PMEPA1: variants seen among roughly 807,000 people sequenced by gnomAD.
PMEPA1 encodes the protein prostate transmembrane protein, androgen induced 1.
A neutral mutation model predicts 23.0 loss-of-function variants in PMEPA1; 11 were observed. That is an observed-to-expected ratio of 0.48 (90% confidence interval 0.30 to 0.79). The LOEUF (loss-of-function observed/expected upper bound fraction) is 0.79. PMEPA1 is among the 30% of genes least tolerant of loss of function. The pLI, the probability that PMEPA1 is intolerant of heterozygous loss-of-function variation, is 0.06. For missense variants in PMEPA1, 377 were observed against 390.9 expected (o/e 0.96, Z 0.30); for synonymous variants, 204 against 166.4 (o/e 1.23, Z -1.74).
intron 1 of PMEPA1, among the ~76,000 whole-genome samples, chr20:57,708,549 C>T (rs1344458052): frequency 2.0e-5 from 3 of 152,172 alleles, no homozygotes; most frequent in South Asian, 2.1e-4. Flanking sequence ...GTCCACTGAT[C>T]CCTTATTTAG....
At chr20:57,697,618 C>CCCTT (rs2071958116) in intron 1 of PMEPA1, among the ~76,000 whole-genome samples, 3 of 152,188 alleles carry the variant, frequency 2.0e-5, no homozygotes, top group African/African-American at 7.2e-5. Flanking sequence ...CTGAGAGAGA[C>CCCTT]CCTTGTTCCC....
chr20:57,660,473 C>A (rs528409763), intron 1 of PMEPA1, among the ~76,000 whole-genome samples: 2 of 150,592 alleles, frequency 1.3e-5, no homozygotes, highest in Non-Finnish European at 3.0e-5. Flanking sequence ...CAAAACACCC[C>A]AACACTCCTA....
At chr20:57,690,304 G>T in intron 1 of PMEPA1, 1 of 661,800 alleles carries the variant, frequency 1.5e-6, no homozygotes, top group Non-Finnish European at 2.5e-6. Flanking sequence ...CGGGCCCAGT[G>T]CCTGCACCCA....
intron 2 of PMEPA1, among the ~76,000 whole-genome samples, chr20:57,653,803 A>G (rs891662102): frequency 5.3e-5 from 8 of 152,192 alleles, no homozygotes; most frequent in Non-Finnish European, 1.2e-4. Context: ...CTTGGAGACC[A>G]GCATCTGAAG....
intron 1 of PMEPA1, among the ~76,000 whole-genome samples, chr20:57,699,100 GCAT>G (rs1256912912): frequency 6.6e-6 from 1 of 152,224 alleles, no homozygotes; most frequent in African/African-American, 2.4e-5. Flanking sequence ...TCTCTGGAAT[GCAT>G]CACCCCACAG....
intron 1 of PMEPA1, among the ~76,000 whole-genome samples, chr20:57,701,546 C>T (rs1270626964): frequency 6.6e-6 from 1 of 152,196 alleles, no homozygotes; most frequent in Admixed American, 6.5e-5. Flanking sequence ...TCTGTACCTG[C>T]CCCTTAGCTC....
intron 1 of PMEPA1, among the ~76,000 whole-genome samples, chr20:57,679,311 G>A (rs901447110): frequency 6.6e-6 from 1 of 152,228 alleles, no homozygotes; most frequent in Admixed American, 6.5e-5. Context: ...GGCATAGCAT[G>A]AAGATACAAT....
intron 1 of PMEPA1, among the ~76,000 whole-genome samples, chr20:57,693,150 C>T (rs774326231): frequency 4.7e-4 from 71 of 152,322 alleles, no homozygotes; most frequent in Non-Finnish European, 8.7e-4. Flanking sequence ...CCGCCTACCC[C>T]ACGCCTCCCA....
At chr20:57,681,602 G>A (rs147954515) in intron 1 of PMEPA1, among the ~76,000 whole-genome samples, 170 of 152,282 alleles carry the variant, frequency 1.1e-3, no homozygotes, top group African/African-American at 3.9e-3. Context: ...GTCGTTTCAC[G>A]TTCAATTCTG....
At chr20:57,661,961 A>C (rs113119809) in intron 1 of PMEPA1, among the ~76,000 whole-genome samples, 3 of 151,670 alleles carry the variant, frequency 2.0e-5, no homozygotes, top group African/African-American at 7.3e-5. Context: ...CTACTGAGCC[A>C]GTGTTTCTCA....
chr20:57,676,907 G>A (rs745743672), intron 1 of PMEPA1, among the ~76,000 whole-genome samples: 18 of 152,174 alleles, frequency 1.2e-4, no homozygotes, highest in African/African-American at 3.4e-4. Flanking sequence ...CCCTGCAGCC[G>A]GAACAATCTT....
intron 1 of PMEPA1, among the ~76,000 whole-genome samples, chr20:57,661,437 G>A (rs182575480): frequency 3.3e-5 from 5 of 152,308 alleles, no homozygotes; most frequent in Admixed American, 2.0e-4. Context: ...CCCAAGGTGT[G>A]CAGGAATGTG....
intron 1 of PMEPA1, among the ~76,000 whole-genome samples, chr20:57,663,179 ACT>A (rs935493066): frequency 4.6e-5 from 7 of 151,810 alleles, no homozygotes; most frequent in Non-Finnish European, 1.0e-4. Flanking sequence ...AGAGAGAAAA[ACT>A]CTCTAGAAAA....
At chr20:57,702,724 C>T (rs2072029344) in intron 1 of PMEPA1, among the ~76,000 whole-genome samples, 1 of 152,230 alleles carries the variant, frequency 6.6e-6, no homozygotes, top group African/African-American at 2.4e-5. Flanking sequence ...ATCTTACACT[C>T]TCTGATCCCA....
rs1004752365 is a variant in PMEPA1, at chr20:57,686,582, T to C, written c.109+22892A>G. ...GTCTCAACCACCTGTCCTAAAGAGC[T>C]GTTGTGAGGATTAAATGCCCTTGTG... On this transcript the variant is annotated intron_variant, in intron 1 of 3. Transcript: ENST00000341744. Among the ~76,000 whole-genome samples the C allele has an allele frequency of 3.3e-5, 5 of 152,242 alleles. 1 individual carries two copies. Among genetic ancestry groups the C allele is most frequent in the Admixed American group, 3.3e-4 (5 of 15,288 alleles).
At chr20:57,703,549 G>A (rs904426085) in intron 1 of PMEPA1, among the ~76,000 whole-genome samples, 6 of 152,200 alleles carry the variant, frequency 3.9e-5, no homozygotes, top group African/African-American at 7.2e-5. Flanking sequence ...CGAAGAGACC[G>A]TCTGGGGCCT....
chr20:57,695,569 G>C (rs1287538487), intron 1 of PMEPA1, among the ~76,000 whole-genome samples: 1 of 152,230 alleles, frequency 6.6e-6, no homozygotes, highest in Non-Finnish European at 1.5e-5. Context: ...GAAGCAGGAA[G>C]ATCAATTGAG....
chr20:57,700,005 T>TAA (rs1039282261), intron 1 of PMEPA1: 8 of 470,896 alleles, frequency 1.7e-5, no homozygotes, highest in African/African-American at 8.0e-5. Flanking sequence ...GCTCTAAATA[T>TAA]AAAAACACAC....
At chr20:57,669,601 C>CA (rs2071540518) in intron 1 of PMEPA1, among the ~76,000 whole-genome samples, 1 of 152,222 alleles carries the variant, frequency 6.6e-6, no homozygotes, top group African/African-American at 2.4e-5. Flanking sequence ...AGCCACCGGT[C>CA]AGTCTGTATC....
Sources: allele counts gnomAD v4.1 joint callset (sites outside exome capture counted in the v4.1 genomes callset), GRCh38; gene constraint gnomAD v4.1.1; transcripts MANE v1.5; gene names NCBI Gene and HGNC (gene_info 2026-07-23, HGNC 2026-07-21).